LARS2: variants seen among roughly 807,000 people sequenced by gnomAD.
LARS2 encodes leucyl-tRNA synthetase 2, mitochondrial.
In LARS2, 81 loss-of-function variants were observed where a neutral mutation model predicts 116.6. The ratio of observed to expected loss-of-function variants is 0.69; its 90% confidence interval spans 0.58 to 0.84. The LOEUF (loss-of-function observed/expected upper bound fraction) is 0.84. Ranked by LOEUF, LARS2 falls within the 40% of genes least tolerant of loss-of-function variation. The pLI is 0.00. For synonymous variants in LARS2, 396 were observed against 407.2 expected (o/e 0.97, Z 0.33); for missense variants, 968 against 1,114.5 (o/e 0.87, Z 1.87).
chr3:45,408,434 T>C (rs1468131243), intron 4 of LARS2, among the ~76,000 whole-genome samples: 2 of 152,222 alleles, frequency 1.3e-5, no homozygotes, highest in Non-Finnish European at 2.9e-5. Flanking sequence ...CCTGCTAGCG[T>C]TCTTGTGCTG....
At chr3:45,401,307 G>C (rs59650435) in intron 4 of LARS2, among the ~76,000 whole-genome samples, 1 of 152,094 alleles carries the variant, frequency 6.6e-6, no homozygotes, top group East Asian at 2.0e-4. Flanking sequence ...TTCGAGACCA[G>C]CCTGAGCAAT....
chr3:45,519,651 G>A (rs1376990772), intron 18 of LARS2: 1 of 140,310 alleles, frequency 7.1e-6, no homozygotes, highest in Non-Finnish European at 1.6e-5. Context: ...CATGTTACTA[G>A]CATTGCTTTT....
chr3:45,516,086 G>A lies in LARS2; in HGVS notation c.1862-8G>A. The A allele has an allele frequency of 1.2e-6, 2 of 1,612,156 alleles. No individual in the cohort carries two copies. The highest frequency in any genetic ancestry group is 1.7e-6 in the Non-Finnish European group (2 of 1,178,606). On this transcript the variant is annotated splice_polypyrimidine_tract_variant and splice_region_variant and intron_variant, in intron 16 of 21. Coordinates refer to ENST00000645846, the MANE Select transcript of LARS2 (RefSeq NM_015340.4). ...CATACCATACCTATGGATTATTTTG[G>A]CATCTAGGTTCCGTTCCTGTTCATG...
intron 20 of LARS2, among the ~76,000 whole-genome samples, chr3:45,541,010 G>A (rs577456922): frequency 2.6e-5 from 4 of 151,988 alleles, no homozygotes; most frequent in African/African-American, 9.7e-5. Context: ...TTAAACTCCT[G>A]GCCTCAAGTG....
chr3:45,450,546 C>G (rs540756228), intron 7 of LARS2, among the ~76,000 whole-genome samples: 1 of 152,148 alleles, frequency 6.6e-6, no homozygotes, highest in East Asian at 1.9e-4. Flanking sequence ...CAGTTCCATT[C>G]ATTTTATTGT....
intron 20 of LARS2, among the ~76,000 whole-genome samples, chr3:45,532,078 T>C (rs886911399): frequency 3.9e-5 from 6 of 152,256 alleles, no homozygotes; most frequent in Admixed American, 6.5e-5. Flanking sequence ...TTCTAATAGT[T>C]ATGCCATGGT....
rs533499685 is a variant in LARS2, at chr3:45,445,490, T to G, written c.517-1401T>G. Among the ~76,000 whole-genome samples, 4 of 152,300 alleles carry G rather than the reference T, an allele frequency of 2.6e-5. No homozygotes were observed. In the East Asian group the frequency reaches 7.7e-4, roughly 29 times the overall value. On this transcript the variant is annotated intron_variant, in intron 6 of 21. Coordinates refer to ENST00000645846, the MANE Select transcript of LARS2 (RefSeq NM_015340.4). ...TGAAGATCTTTGTGCACGACACCCCTGTAGACATCTGTGAAGCTGGAAGCC... is the reference window on the plus strand; with the variant it reads ...TGAAGATCTTTGTGCACGACACCCCGGTAGACATCTGTGAAGCTGGAAGCC...
At chr3:45,401,420 A>G (rs13078025) in intron 4 of LARS2, among the ~76,000 whole-genome samples, 1 of 151,824 alleles carries the variant, frequency 6.6e-6, no homozygotes, top group East Asian at 2.0e-4. Flanking sequence ...GGAGAATCAC[A>G]TGAACCTGGG....
intron 21 of LARS2, among the ~76,000 whole-genome samples, chr3:45,545,196 C>T (rs1421400022): frequency 6.6e-6 from 1 of 152,232 alleles, no homozygotes; most frequent in South Asian, 2.1e-4. Flanking sequence ...TAGTTCAATG[C>T]TTGGCACAGA....
rs1476364605 is a variant in LARS2 at position 45,417,523 on chromosome 3, T to C, written c.405T>C (p.Ala135=). The C allele has an allele frequency of 5.0e-6, 8 of 1,614,194 alleles. No homozygotes were observed. Among genetic ancestry groups the C allele is most frequent in the Middle Eastern group, 3.3e-4 (2 of 6,062 alleles). ...GATGGGATGCTTTTGGATTGCCTGC[T>C]GAAAATGCCGCAGTCGAGAGGAATC... ...PMGWDAFGLP[A]ENAAVERNLH... is the part of the protein sequence containing the mutation. The change falls in exon 5 of 22, where the codon GCT becomes GCC. Residue 135 remains alanine (A), a synonymous_variant. Transcript: ENST00000645846.
chr3:45,457,405 C>T (rs1699231076), intron 7 of LARS2, among the ~76,000 whole-genome samples: 2 of 152,184 alleles, frequency 1.3e-5, no homozygotes, highest in Admixed American at 1.3e-4. Context: ...ACGGCTAGGC[C>T]TGGTGGCTCA....
At chr3:45,499,843 C>T (rs1180565847) in intron 14 of LARS2, among the ~76,000 whole-genome samples, 1 of 151,896 alleles carries the variant, frequency 6.6e-6, no homozygotes, top group African/African-American at 2.4e-5. Context: ...TTCCTTTTGT[C>T]CTCATTTTAT....
intron 4 of LARS2, among the ~76,000 whole-genome samples, chr3:45,404,672 C>T (rs1272701223): frequency 1.3e-5 from 2 of 152,132 alleles, no homozygotes; most frequent in Non-Finnish European, 2.9e-5. Context: ...CTAAGAACAG[C>T]ATTATCTCTG....
rs115527080 is a variant in LARS2, at chr3:45,389,653, G to T, written c.-88+973G>T. ...GATTCTTTGGAAGGTTGTGGAAGAA[G>T]AGAAGAGTCTTCTTATCTTAGAAGA... On this transcript the variant is annotated intron_variant, in intron 1 of 21. Transcript: ENST00000645846. 6.3e-3 allele frequency among the ~76,000 whole-genome samples: 957 copies of T among 152,334 alleles called. 4 individuals carry two copies. Among genetic ancestry groups the T allele is most frequent in the Non-Finnish European group, 9.5e-3 (647 of 68,026 alleles).
chr3:45,517,549 T>C (rs1293483873), intron 17 of LARS2, among the ~76,000 whole-genome samples: 2 of 152,194 alleles, frequency 1.3e-5, no homozygotes, highest in Non-Finnish European at 2.9e-5. Context: ...CAAAGCACCA[T>C]GTTAACTCCA....
At chr3:45,421,710 C>T (rs950263859) in intron 6 of LARS2, 1 of 152,222 alleles carries the variant, frequency 6.6e-6, no homozygotes, top group African/African-American at 2.4e-5. Context: ...CCTGGACTTA[C>T]AAGGGGGTTA....
intron 6 of LARS2, among the ~76,000 whole-genome samples, chr3:45,429,502 A>T (rs1160215733): frequency 1.3e-5 from 2 of 152,158 alleles, no homozygotes; most frequent in Non-Finnish European, 2.9e-5. Flanking sequence ...GATCTCTCCC[A>T]TTCCAGCCAG....
chr3:45,505,567 T>C (rs2125744524), intron 15 of LARS2, among the ~76,000 whole-genome samples: 1 of 151,442 alleles, frequency 6.6e-6, no homozygotes, highest in South Asian at 2.1e-4. Context: ...GGTGCACACT[T>C]GTAGTCCCAG....
chr3:45,458,897 G>C lies in LARS2; in HGVS notation c.750+11G>C, dbSNP rs532565870. Reference sequence around the variant, plus strand: ...ACCGCTTATGCAAAGGTGAGTGTCAGCCTGGAGGCTCCCCACTAATGCCTT... The same window carrying C: ...ACCGCTTATGCAAAGGTGAGTGTCACCCTGGAGGCTCCCCACTAATGCCTT... On this transcript the variant is annotated intron_variant, in intron 8 of 21. Coordinates refer to ENST00000645846, the MANE Select transcript of LARS2 (RefSeq NM_015340.4). The C allele has an allele frequency of 1.9e-6, 3 of 1,613,558 alleles. No homozygotes were observed. Among genetic ancestry groups the C allele is most frequent in the Admixed American group, 3.3e-5 (2 of 59,996 alleles).
Sources: gnomAD v4.1 joint callset for allele counts (sites outside exome capture counted in the v4.1 genomes callset) on GRCh38, gnomAD v4.1.1 for gene constraint, MANE v1.5 for transcripts, NCBI Gene and HGNC (gene_info 2026-07-23, HGNC 2026-07-21) for gene names.